GGACT: variants seen among roughly 807,000 people sequenced by gnomAD.
GGACT encodes gamma-glutamylamine cyclotransferase.
For missense variants in GGACT, 241 were observed against 233.2 expected (o/e 1.03, Z -0.22); for synonymous variants, 118 against 115.3 (o/e 1.02, Z -0.15).
chr13:100,540,317 C>T (rs1283755664), intron 2 of GGACT: 1 of 793,468 alleles, frequency 1.3e-6, no homozygotes, highest in Non-Finnish European at 2.2e-6. Flanking sequence ...CTGCTTCAGT[C>T]TCTTTACTAG....
At chr13:100,543,970 G>T (rs780276526) in intron 2 of GGACT, among the ~76,000 whole-genome samples, 1 of 152,176 alleles carries the variant, frequency 6.6e-6, no homozygotes, top group Non-Finnish European at 1.5e-5. Flanking sequence ...TGGTTTCAAG[G>T]ACACCAACTG....
At chr13:100,553,892 A>G (rs2088689824) in intron 2 of GGACT, among the ~76,000 whole-genome samples, 1 of 151,012 alleles carries the variant, frequency 6.6e-6, no homozygotes, top group African/African-American at 2.4e-5. Context: ...CCTCTGTGCC[A>G]GGGGCCAGGT....
At chr13:100,580,023 G>C (rs1474974934) in intron 2 of GGACT, 1 of 152,234 alleles carries the variant, frequency 6.6e-6, no homozygotes, top group East Asian at 1.9e-4. Flanking sequence ...GCTGAGGAAA[G>C]AGGGGCCTGC....
chr13:100,576,144 A>G (rs1875241514), intron 2 of GGACT, among the ~76,000 whole-genome samples: 1 of 152,246 alleles, frequency 6.6e-6, no homozygotes, highest in Non-Finnish European at 1.5e-5. Context: ...AAAATCAGAA[A>G]ACCAATATTT....
intron 2 of GGACT, among the ~76,000 whole-genome samples, chr13:100,562,074 G>T (rs141883595): frequency 0.024 from 3,612 of 152,292 alleles, 60 homozygotes; most frequent in Middle Eastern, 0.041. Context: ...CCTCACTGGG[G>T]TTTAGGTGCC....
In GGACT at chr13:100,569,672, T is replaced by C. The variant is rs144867433; in HGVS notation, c.-11+14153A>G. Among the ~76,000 whole-genome samples, 318 of 152,376 alleles carry C rather than the reference T, an allele frequency of 2.1e-3. 8 individuals are homozygous for C. In the East Asian group the frequency reaches 0.039, roughly 18 times the overall value. ...TTAACATTTGGCTCTTTGTTACTTA[T>C]GCAAATTTCTGCAGTGGGCTTGAAT... On this transcript the variant is annotated intron_variant, in intron 2 of 2. Transcript: ENST00000683975.
At chr13:100,537,012 G>A (rs988302426) in intron 2 of GGACT, 1 of 152,352 alleles carries the variant, frequency 6.6e-6, no homozygotes, top group Non-Finnish European at 1.5e-5. Context: ...CTGACTACTT[G>A]TCAGCCTCTC....
chr13:100,567,664 C>T (rs1199983643), intron 2 of GGACT, among the ~76,000 whole-genome samples: 1 of 152,232 alleles, frequency 6.6e-6, no homozygotes, highest in African/African-American at 2.4e-5. Context: ...CACACACGCA[C>T]ACTTACATTC....
At chr13:100,546,756 C>T (rs1235419952) in intron 2 of GGACT, among the ~76,000 whole-genome samples, 1 of 152,238 alleles carries the variant, frequency 6.6e-6, no homozygotes, top group African/African-American at 2.4e-5. Context: ...AGTTGCGAGG[C>T]TGAGCTGCGA....
At chr13:100,555,219 G>A (rs1250572706) in intron 2 of GGACT, among the ~76,000 whole-genome samples, 1 of 152,128 alleles carries the variant, frequency 6.6e-6, no homozygotes. Flanking sequence ...CCAAATCAAA[G>A]ACATTGGTAG....
chr13:100,565,077 C>T (rs558677078), intron 2 of GGACT, among the ~76,000 whole-genome samples: 12 of 152,296 alleles, frequency 7.9e-5, no homozygotes, highest in Admixed American at 7.2e-4. Context: ...GGATGGCCGC[C>T]GCCTCCTTCC....
In GGACT at chr13:100,542,910, T is replaced by C. The variant is rs531541255; in HGVS notation, c.-10-10309A>G. Among the ~76,000 whole-genome samples, 5 of 152,366 alleles carry C rather than the reference T, an allele frequency of 3.3e-5. No homozygotes were observed. In the South Asian group the frequency reaches 1.0e-3, roughly 32 times the overall value. ...TCTCCTTCTTGAAACGCAGTCCGTC[T>C]ATAGTTTCATATTTCACCACTGAAG... On this transcript the variant is annotated intron_variant, in intron 2 of 2. Transcript: ENST00000683975.
intron 1 of GGACT, among the ~76,000 whole-genome samples, chr13:100,584,728 G>A (rs933091316): frequency 6.6e-6 from 1 of 151,830 alleles, no homozygotes; most frequent in African/African-American, 2.4e-5. Context: ...TTGTAATGAG[G>A]GTTTATTATT....
intron 2 of GGACT, among the ~76,000 whole-genome samples, chr13:100,572,155 G>A (rs564605154): frequency 6.6e-6 from 1 of 152,282 alleles, no homozygotes; most frequent in Admixed American, 6.5e-5. Flanking sequence ...ACTGACAGAG[G>A]AAGGAATAAA....
intron 2 of GGACT, chr13:100,536,843 C>T (rs541627917): frequency 1.3e-5 from 2 of 152,698 alleles, no homozygotes; most frequent in African/African-American, 4.8e-5. Context: ...TCTTGTCAGG[C>T]TCTCCAGAAA....
At chr13:100,532,782 C>G (rs1055878446) in intron 2 of GGACT, among the ~76,000 whole-genome samples, 181 bp from the exon 3 acceptor site, 6 of 152,244 alleles carry the variant, frequency 3.9e-5, no homozygotes, top group Admixed American at 2.6e-4. Flanking sequence ...TTTCACACAT[C>G]ATGAGATATT....
At position 100,545,332 on chromosome 13, in the gene GGACT, A is replaced by C. The variant is rs1311125790; in HGVS notation, c.-10-12731T>G. 6.6e-6 allele frequency among the ~76,000 whole-genome samples: 1 copy of C among 152,190 alleles called. No individual in the cohort carries two copies. Among genetic ancestry groups the C allele is most frequent in the Non-Finnish European group, 1.5e-5 (1 of 68,020 alleles). On this transcript the variant is annotated intron_variant, in intron 2 of 2. Coordinates refer to ENST00000683975, the MANE Select transcript of GGACT (RefSeq NM_001195087.2). The surrounding 1 kb of genome is among the most constrained non-coding windows in gnomAD (Gnocchi z 4.4). Reference sequence around the variant, plus strand: ...TTTGCAGATGGGGAAGCTGGGGCAGAGGTGAAGTGACTCACACACAAGGCG... The same window carrying C: ...TTTGCAGATGGGGAAGCTGGGGCAGCGGTGAAGTGACTCACACACAAGGCG...
chr13:100,558,245 A>C (rs2088726839), intron 2 of GGACT, among the ~76,000 whole-genome samples: 1 of 151,852 alleles, frequency 6.6e-6, no homozygotes, highest in African/African-American at 2.4e-5. Context: ...TGGGAGGCTG[A>C]GGCAGGAGGA....
intron 2 of GGACT, among the ~76,000 whole-genome samples, chr13:100,553,590 A>C (rs984301635): frequency 1.3e-5 from 2 of 152,162 alleles, no homozygotes; most frequent in African/African-American, 2.4e-5. Flanking sequence ...TCACGCCTGT[A>C]ATCCTGGCAC....
Sources: allele counts gnomAD v4.1 joint callset (sites outside exome capture counted in the v4.1 genomes callset), GRCh38; gene constraint gnomAD v4.1.1; non-coding constraint Gnocchi (gnomAD v3.1); transcripts MANE v1.5; gene names NCBI Gene and HGNC (gene_info 2026-07-23, HGNC 2026-07-21).